DLGAP4: variants seen among roughly 807,000 people sequenced by gnomAD.
DLGAP4 encodes the protein DLG associated protein 4.
A neutral mutation model predicts 86.9 loss-of-function variants in DLGAP4; 18 were observed. That is an observed-to-expected ratio of 0.21 (90% CI 0.14 to 0.31). DLGAP4 has a LOEUF of 0.31. Among genes scored for constraint, DLGAP4 ranks in the 10% least tolerant of loss-of-function variants. DLGAP4 has a pLI of 1.00. For missense variants in DLGAP4, 1,085 were observed against 1,362.6 expected, an observed-to-expected ratio of 0.80 and a Z score of 3.21; for synonymous variants, 548 against 574.3, an observed-to-expected ratio of 0.95 and a Z score of 0.65.
chr20:36,502,022 C>T (rs2036165029), intron 10 of DLGAP4, among the ~76,000 whole-genome samples: 1 of 152,278 alleles, frequency 6.6e-6, no homozygotes. Flanking sequence ...TGGTATTTGT[C>T]TTCATATATC....
intron 11 of DLGAP4, 97 bp from the exon 12 acceptor site, chr20:36,525,754 C>T (rs1208946091): frequency 1.3e-6 from 2 of 1,546,864 alleles, no homozygotes; most frequent in African/African-American, 2.7e-5. Context: ...CCCGCGGGTG[C>T]TGGCAGGGCC....
intron 7 of DLGAP4, among the ~76,000 whole-genome samples, chr20:36,484,313 G>A (rs528669634): frequency 1.6e-4 from 25 of 152,298 alleles, no homozygotes; most frequent in African/African-American, 5.1e-4. Flanking sequence ...AGGACCTGCC[G>A]CCCTGGACTG....
chr20:36,362,487 T>C (rs537948198), intron 1 of DLGAP4, among the ~76,000 whole-genome samples: 1 of 152,256 alleles, frequency 6.6e-6, no homozygotes, highest in Admixed American at 6.5e-5. Context: ...GCAGAGCTGC[T>C]GTAGGAATTT....
chr20:36,311,466 C>T (rs898018689), intron 1 of DLGAP4, among the ~76,000 whole-genome samples: 2 of 152,186 alleles, frequency 1.3e-5, no homozygotes, highest in African/African-American at 4.8e-5. Context: ...GAGAATTTTG[C>T]TACACCCCTC....
At chr20:36,422,167 C>T (rs2032848400) in intron 2 of DLGAP4, among the ~76,000 whole-genome samples, 1 of 152,168 alleles carries the variant, frequency 6.6e-6, no homozygotes, top group African/African-American at 2.4e-5. Context: ...ATCCATCCTT[C>T]CCCTTCCACA....
rs1286636029 is a variant in DLGAP4, at chr20:36,525,944, G to A, written c.2698G>A (p.Asp900Asn). The A allele has an allele frequency of 6.2e-7, 1 of 1,613,990 alleles. No homozygotes were observed. The highest frequency in any genetic ancestry group is 8.5e-7 in the Non-Finnish European group (1 of 1,179,998). Residue 900 changes from aspartate (D) to asparagine (N), a missense_variant, in exon 12 of 13, where the codon GAT becomes AAT. Around this residue, in one of 2 missense-constraint regions of DLGAP4, gnomAD observed 1,082 missense variants for 1,344.1 expected, o/e 0.81. Transcript: ENST00000339266. ...LSIEDISMKF[D>N]ELYHLKANSW... ...CATCGAGGATATCAGCATGAAGTTCGATGAACTCTACCACCTCAAGGCCAA... is the reference window on the plus strand; with the variant it reads ...CATCGAGGATATCAGCATGAAGTTCAATGAACTCTACCACCTCAAGGCCAA...
In DLGAP4 at chr20:36,426,388, G is replaced by A. The variant is rs562068717; in HGVS notation, c.-72-5258G>A. Among the ~76,000 whole-genome samples the A allele has an allele frequency of 7.9e-5, 12 of 152,112 alleles. 1 individual carries two copies. In the East Asian group the frequency reaches 1.5e-3, roughly 20 times the overall value. On this transcript the variant is annotated intron_variant, in intron 2 of 12. Transcript: ENST00000339266. ...AAATTAGCTGGGCATGGTGGCATGCGCCTCTAATCCCAGCTACTTGGGAGG... is the reference window on the plus strand; with the variant it reads ...AAATTAGCTGGGCATGGTGGCATGCACCTCTAATCCCAGCTACTTGGGAGG...
At chr20:36,356,206 A>G (rs1318717966) in intron 1 of DLGAP4, among the ~76,000 whole-genome samples, 14 of 152,254 alleles carry the variant, frequency 9.2e-5, no homozygotes, top group African/African-American at 3.4e-4. Context: ...CCCTGATTCA[A>G]CTGTGCCTGA....
At chr20:36,353,078 G>A (rs371662407) in intron 1 of DLGAP4, among the ~76,000 whole-genome samples, 1 of 152,116 alleles carries the variant, frequency 6.6e-6, no homozygotes. Context: ...CATCCTTTTG[G>A]CATCTCCCAT....
intron 2 of DLGAP4, among the ~76,000 whole-genome samples, chr20:36,430,648 CAAAAA>C (rs5841233): frequency 6.8e-5 from 4 of 58,966 alleles, no homozygotes; most frequent in Non-Finnish European, 6.5e-5. Flanking sequence ...GACCTTGTTG[CAAAAA>C]AAAAAAAAAA....
Position 36,317,295 on chromosome 20 carries a change from A to T in DLGAP4, c.-304+10783A>T, listed in dbSNP as rs1269605006. Reference sequence around the variant, plus strand: ...TCTTTCTTATCTTTCTTTCTTTCTTATCTTTCTTTCTTCCTTCCTTCCTTC... The same window carrying T: ...TCTTTCTTATCTTTCTTTCTTTCTTTTCTTTCTTTCTTCCTTCCTTCCTTC... On this transcript the variant is annotated intron_variant, in intron 1 of 12. Transcript: ENST00000339266. Among the ~76,000 whole-genome samples, 135 of 23,484 alleles carry T rather than the reference A, an allele frequency of 5.7e-3. 2 individuals carry two copies. The highest frequency in any genetic ancestry group is 0.022 in the Admixed American group (38 of 1,764). The allele number at this position is 23,484 out of a possible 152,430, so 15.4% of individuals were successfully genotyped here.
At chr20:36,385,598 G>A (rs1274465105) in intron 2 of DLGAP4, among the ~76,000 whole-genome samples, 1 of 152,180 alleles carries the variant, frequency 6.6e-6, no homozygotes, top group Non-Finnish European at 1.5e-5. Context: ...CATTCCTTCG[G>A]GCAGGCAGTC....
chr20:36,442,714 C>A lies in DLGAP4; in HGVS notation c.1357-13C>A. The A allele has an allele frequency of 6.2e-7, 1 of 1,614,210 alleles. No individual in the cohort carries two copies. Among genetic ancestry groups the A allele is most frequent in the Non-Finnish European group, 8.5e-7 (1 of 1,180,034 alleles). ...CTGGTCCTTCCATAACCCTCACCCT[C>A]TCTTTCCTGCAGATTTTTGGACAGG... On this transcript the variant is annotated splice_polypyrimidine_tract_variant and intron_variant, in intron 5 of 12. Coordinates refer to ENST00000339266, the MANE Select transcript of DLGAP4 (RefSeq NM_001365621.2).
At chr20:36,526,149 G>T in intron 12 of DLGAP4, 143 bp downstream of exon 12, 1 of 1,224,434 alleles carries the variant, frequency 8.2e-7, no homozygotes, top group Non-Finnish European at 1.2e-6. Flanking sequence ...ACTGCGTGGG[G>T]TCCATGCTTG....
chr20:36,321,642 C>T (rs1356197820), intron 1 of DLGAP4, among the ~76,000 whole-genome samples: 5 of 152,228 alleles, frequency 3.3e-5, no homozygotes, highest in South Asian at 2.1e-4. Context: ...AGCTGGGTGA[C>T]CTTCTCACTC....
At chr20:36,328,494 A>G (rs562734033) in intron 1 of DLGAP4, among the ~76,000 whole-genome samples, 172 of 151,210 alleles carry the variant, frequency 1.1e-3, no homozygotes, top group African/African-American at 4.1e-3. Flanking sequence ...TTTTTTAAAT[A>G]AAGTCCAGCA....
chr20:36,434,288 G>T (rs921684259), intron 3 of DLGAP4, among the ~76,000 whole-genome samples: 2 of 152,158 alleles, frequency 1.3e-5, no homozygotes, highest in Non-Finnish European at 1.5e-5. Flanking sequence ...CTAACAAAGC[G>T]CTGACTTCTT....
At chr20:36,488,581 A>ATT (rs1305568541) in intron 7 of DLGAP4, among the ~76,000 whole-genome samples, 4 of 143,558 alleles carry the variant, frequency 2.8e-5, no homozygotes, top group Non-Finnish European at 3.1e-5. Context: ...CTGTTGAAAG[A>ATT]TTTTTTTTTT....
chr20:36,452,421 C>T (rs755387642), intron 7 of DLGAP4, among the ~76,000 whole-genome samples: 4 of 152,130 alleles, frequency 2.6e-5, no homozygotes, highest in Non-Finnish European at 4.4e-5. Context: ...CTCAAGTGAT[C>T]CTCCCACCTT....
Sources: allele counts gnomAD v4.1 joint callset (sites outside exome capture counted in the v4.1 genomes callset), GRCh38; gene constraint gnomAD v4.1.1; regional missense constraint gnomAD v4.1.1; transcripts MANE v1.5; gene names NCBI Gene and HGNC (gene_info 2026-07-23, HGNC 2026-07-21).